The following PRKN variants were observed in gnomAD, a reference collection of about 807,000 sequenced individuals.
PRKN encodes the protein E3 ubiquitin-protein ligase parkin.
In PRKN, 56 loss-of-function variants were observed where a neutral mutation model predicts 59.5. The observed-to-expected ratio is 0.94, with a 90% CI of 0.76 to 1.18. PRKN has a LOEUF of 1.18. Among genes scored for constraint, PRKN ranks in the 50% most tolerant of loss-of-function variants. The probability of loss-of-function intolerance (pLI) is 0.00; values close to 1 mark genes in which losing one functional copy is unlikely to be tolerated. For missense variants in PRKN, 657 were observed against 596.4 expected, an observed-to-expected ratio of 1.10 and a Z score of -1.06; for synonymous variants, 250 against 222.1, an observed-to-expected ratio of 1.13 and a Z score of -1.12.
At chr6:162,206,815 A>C (rs1164662092) in intron 3 of PRKN, among the ~76,000 whole-genome samples, 1 of 152,070 alleles carries the variant, frequency 6.6e-6, no homozygotes, top group Non-Finnish European at 1.5e-5. Flanking sequence ...GCTTGACCAC[A>C]TTTGCTGGAA....
chr6:162,343,536 C>T (rs1208431924), intron 2 of PRKN, among the ~76,000 whole-genome samples: 1 of 152,140 alleles, frequency 6.6e-6, no homozygotes, highest in African/African-American at 2.4e-5. Flanking sequence ...CATGGTGGCA[C>T]TAGTGGTGGA....
intron 2 of PRKN, among the ~76,000 whole-genome samples, chr6:162,331,580 T>C (rs62430696): frequency 0.016 from 2,454 of 152,304 alleles, 34 homozygotes; most frequent in South Asian, 0.031. Context: ...CCTTTCAAAA[T>C]GTGAGCTTGG....
intron 1 of PRKN, among the ~76,000 whole-genome samples, chr6:162,554,044 C>T (rs1167730426): frequency 6.6e-6 from 1 of 152,084 alleles, no homozygotes; most frequent in Non-Finnish European, 1.5e-5. Context: ...GCGAATGCTT[C>T]ATTTTGTTAT....
rs1794519548 is a variant in PRKN, at chr6:161,874,212, AATATAATATATATTATATATAAT to A, written c.735-88327_735-88305del. On this transcript the variant is annotated intron_variant, in intron 6 of 11. Coordinates refer to ENST00000366898, the MANE Select transcript of PRKN (RefSeq NM_004562.3). ...AATATATAATATATATTATATGTAA[AATATAATATATATTATATATAAT>A]ATATAATATATAATATATATTATAT... Among the ~76,000 whole-genome samples the A allele has an allele frequency of 8.3e-5, 3 of 36,164 alleles. 1 individual carries two copies. The highest frequency in any genetic ancestry group is 3.7e-4 in the African/African-American group (3 of 8,218). The allele number at this position is 36,164 out of a possible 152,430, so 23.7% of individuals were successfully genotyped here.
intron 6 of PRKN, among the ~76,000 whole-genome samples, chr6:161,891,230 G>A (rs9365339): frequency 0.39 from 59,792 of 152,042 alleles, 12,241 homozygotes; most frequent in East Asian, 0.6. Flanking sequence ...CTTCCCCTGG[G>A]GGCTCTGCTA....
chr6:161,410,569 C>A lies in PRKN; in HGVS notation c.1084-23692G>T, dbSNP rs1473810099. 1.3e-5 allele frequency among the ~76,000 whole-genome samples: 2 copies of A among 152,162 alleles called. No homozygotes were observed. The highest frequency in any genetic ancestry group is 2.9e-5 in the Non-Finnish European group (2 of 68,046). On this transcript the variant is annotated intron_variant, in intron 9 of 11. Coordinates refer to ENST00000366898, the MANE Select transcript of PRKN (RefSeq NM_004562.3). This position sits in a 1 kb window ranked among gnomAD's most constrained non-coding sequence, Gnocchi z 5.3. The stretch of plus-strand genomic sequence containing the variant: ...AAGGAGCCCGGGTCTGAGCTGGACA[C>A]ACACAGCAGCGAGAGGGGAAGGGCG...
At chr6:161,837,678 A>C (rs1344757062) in intron 6 of PRKN, among the ~76,000 whole-genome samples, 2 of 152,132 alleles carry the variant, frequency 1.3e-5, no homozygotes, top group Non-Finnish European at 2.9e-5. Flanking sequence ...GGTAATAGAT[A>C]ATGAATAATA....
At chr6:162,153,281 G>A (rs1360376894) in intron 4 of PRKN, among the ~76,000 whole-genome samples, 4 of 152,184 alleles carry the variant, frequency 2.6e-5, no homozygotes, top group Admixed American at 2.6e-4. Context: ...CTGCTGTGGC[G>A]CACCCCTTGC....
chr6:162,353,217 G>A (rs896449309), intron 2 of PRKN, among the ~76,000 whole-genome samples: 1 of 151,990 alleles, frequency 6.6e-6, no homozygotes, highest in Non-Finnish European at 1.5e-5. Flanking sequence ...ATCCCCTTAA[G>A]CAATGAAAGT....
At chr6:162,331,769 C>T (rs757113158) in intron 2 of PRKN, among the ~76,000 whole-genome samples, 2 of 152,128 alleles carry the variant, frequency 1.3e-5, no homozygotes, top group African/African-American at 2.4e-5. Context: ...AGCCATAGTA[C>T]GTGTCTGATT....
intron 2 of PRKN, among the ~76,000 whole-genome samples, chr6:162,302,959 AACATACACACACACACAC>A (rs1283689058): frequency 2.1e-5 from 1 of 48,214 alleles, no homozygotes; most frequent in Non-Finnish European, 5.1e-5. Flanking sequence ...ATATGCCTTA[AACATACACACACACACAC>A]ACACACACAC....
At chr6:162,681,929 T>C (rs1779787296) in intron 1 of PRKN, among the ~76,000 whole-genome samples, 1 of 152,174 alleles carries the variant, frequency 6.6e-6, no homozygotes, top group South Asian at 2.1e-4. Flanking sequence ...TCTTTGTTTG[T>C]GCATTTTGTC....
At chr6:162,405,927 A>G (rs1022113054) in intron 2 of PRKN, among the ~76,000 whole-genome samples, 13 of 152,146 alleles carry the variant, frequency 8.5e-5, no homozygotes, top group African/African-American at 2.9e-4. Flanking sequence ...ACTCACCTGA[A>G]TGTAAATATA....
intron 1 of PRKN, among the ~76,000 whole-genome samples, chr6:162,575,614 A>G (rs908506127): frequency 3.3e-5 from 5 of 152,122 alleles, no homozygotes; most frequent in East Asian, 1.9e-4. Flanking sequence ...CCTCTCTAGC[A>G]CATTCCCAGA....
intron 6 of PRKN, among the ~76,000 whole-genome samples, chr6:161,938,520 C>A (rs958465221): frequency 2.0e-5 from 3 of 152,180 alleles, no homozygotes; most frequent in Non-Finnish European, 4.4e-5. Context: ...CCTACCACCA[C>A]CATATAACTA....
intron 5 of PRKN, among the ~76,000 whole-genome samples, chr6:162,038,892 C>T (rs780182697): frequency 2.6e-5 from 4 of 152,116 alleles, no homozygotes; most frequent in Admixed American, 1.3e-4. Flanking sequence ...CGGTGGTTCA[C>T]GCCTGTAATC....
intron 6 of PRKN, among the ~76,000 whole-genome samples, chr6:161,927,544 GTTA>G (rs971156805): frequency 5.8e-4 from 89 of 152,174 alleles, no homozygotes; most frequent in African/African-American, 2.1e-3. Context: ...TAAGGGAAAT[GTTA>G]TTAGTTTTAA....
At chr6:162,716,762 GCGCGCGCACGCACACACACA>G (rs932882385) in intron 1 of PRKN, among the ~76,000 whole-genome samples, 3 of 142,084 alleles carry the variant, frequency 2.1e-5, no homozygotes, top group African/African-American at 8.6e-5. Context: ...CCGCCTGCGC[GCGCGCGCACGCACACACACA>G]CGCGCACACA....
chr6:162,063,037 C>T (rs1486297626), intron 4 of PRKN, among the ~76,000 whole-genome samples: 2 of 152,092 alleles, frequency 1.3e-5, no homozygotes, highest in African/African-American at 4.8e-5. Context: ...CAAATGGGAA[C>T]TTCTTTATAA....
Sources: gnomAD v4.1 joint callset for allele counts (sites outside exome capture counted in the v4.1 genomes callset) on GRCh38, gnomAD v4.1.1 for gene constraint, Gnocchi (gnomAD v3.1) non-coding constraint, MANE v1.5 for transcripts, NCBI Gene and HGNC (gene_info 2026-07-23, HGNC 2026-07-21) for gene names.